AGBL1: variants seen among roughly 807,000 people sequenced by gnomAD.
AGBL1 encodes the protein AGBL carboxypeptidase 1.
In AGBL1, 130 loss-of-function variants were observed where a neutral mutation model predicts 118.9. The observed-to-expected ratio is 1.09, with a 90% CI of 0.95 to 1.26. The LOEUF (loss-of-function observed/expected upper bound fraction) is 1.26, where lower values mean the gene tolerates loss of function less well. AGBL1 is among the 50% of genes most tolerant of loss of function. AGBL1 has a pLI of 0.00. For missense variants in AGBL1, 1,584 were observed against 1,298.1 expected (o/e 1.22, Z -3.38); for synonymous variants, 555 against 478.9 (o/e 1.16, Z -2.08).
At position 86,094,825 on chromosome 15, in the gene AGBL1, G is replaced by A. The variant is rs542902662; in HGVS notation, c.51+14802G>A. ...CAACAACCAACTCTTCAACTTTCTG[G>A]ATGCCACCTGGGTATCCTACCTTTA... On this transcript the variant is annotated intron_variant, in intron 1 of 22. Transcript: ENST00000614907. 4.6e-5 allele frequency among the ~76,000 whole-genome samples: 7 copies of A among 152,082 alleles called. No individual in the cohort carries two copies. In the South Asian group the frequency reaches 1.5e-3, roughly 32 times the overall value.
At chr15:86,231,234 T>C (rs2078450510) in intron 6 of AGBL1, among the ~76,000 whole-genome samples, 1 of 152,220 alleles carries the variant, frequency 6.6e-6, no homozygotes, top group Non-Finnish European at 1.5e-5. Context: ...TACCTCATAC[T>C]GGGCTACACC....
chr15:86,527,613 G>A (rs1039368429), intron 19 of AGBL1, among the ~76,000 whole-genome samples: 1 of 152,120 alleles, frequency 6.6e-6, no homozygotes, highest in Non-Finnish European at 1.5e-5. Context: ...TTTCCACTGC[G>A]ACGAGATTAA....
At chr15:86,469,233 A>G (rs2082446119) in intron 18 of AGBL1, among the ~76,000 whole-genome samples, 1 of 152,136 alleles carries the variant, frequency 6.6e-6, no homozygotes, top group Non-Finnish European at 1.5e-5. Flanking sequence ...CTTTTTGTCC[A>G]TTTCCTTTTC....
chr15:86,819,126 G>T lies in AGBL1; in HGVS notation c.3159-87961G>T, dbSNP rs149998479. Among the ~76,000 whole-genome samples the T allele has an allele frequency of 3.0e-3, 459 of 151,992 alleles. 3 individuals are homozygous for T. The highest frequency in any genetic ancestry group is 6.8e-3 in the Middle Eastern group (2 of 294). ...CCAGCATTTTTGTCCACAGGGAGCA[G>T]AAAAAGAAAGTGATGGGGGCAAAAA... is the stretch of plus-strand genomic sequence containing the variant. On this transcript the variant is annotated intron_variant, in intron 22 of 22. Transcript: ENST00000614907.
intron 21 of AGBL1, among the ~76,000 whole-genome samples, chr15:86,653,842 A>G (rs2085418344): frequency 6.6e-6 from 1 of 152,186 alleles, no homozygotes; most frequent in African/African-American, 2.4e-5. Flanking sequence ...ATACTCCCAG[A>G]GACCAAATAC....
chr15:86,158,193 A>G (rs984221338), intron 4 of AGBL1, among the ~76,000 whole-genome samples: 2 of 152,152 alleles, frequency 1.3e-5, no homozygotes, highest in African/African-American at 4.8e-5. Context: ...GCACTCTGCA[A>G]TAGCAAAGAC....
intron 7 of AGBL1, among the ~76,000 whole-genome samples, chr15:86,254,857 A>G (rs1370967399): frequency 1.3e-5 from 2 of 152,218 alleles, no homozygotes; most frequent in Non-Finnish European, 2.9e-5. Flanking sequence ...TGTCACCTTG[A>G]AACCAATGAT....
chr15:86,104,189 G>C (rs976090853), intron 1 of AGBL1, among the ~76,000 whole-genome samples: 2 of 151,790 alleles, frequency 1.3e-5, no homozygotes, highest in Non-Finnish European at 2.9e-5. Flanking sequence ...GTATTGGGGA[G>C]GATAAAGATG....
At chr15:86,442,943 G>T (rs546884788) in intron 18 of AGBL1, among the ~76,000 whole-genome samples, 3 of 152,224 alleles carry the variant, frequency 2.0e-5, no homozygotes, top group East Asian at 1.9e-4. Flanking sequence ...GCTCCTGCCC[G>T]CAAGGCAAGG....
intron 22 of AGBL1, among the ~76,000 whole-genome samples, chr15:86,743,121 G>T (rs748394436): frequency 6.6e-6 from 1 of 152,036 alleles, no homozygotes; most frequent in African/African-American, 2.4e-5. Flanking sequence ...TGAACATATA[G>T]CTCCTCAAGA....
At chr15:86,874,703 C>G (rs1053156069) in intron 22 of AGBL1, among the ~76,000 whole-genome samples, 1 of 152,214 alleles carries the variant, frequency 6.6e-6, no homozygotes, top group Non-Finnish European at 1.5e-5. Flanking sequence ...CTGGGATTAA[C>G]CTTTAGAACA....
intron 22 of AGBL1, among the ~76,000 whole-genome samples, chr15:86,809,663 T>A (rs1306982726): frequency 6.6e-6 from 1 of 152,192 alleles, no homozygotes; most frequent in Non-Finnish European, 1.5e-5. Flanking sequence ...AAGGGAAGAA[T>A]GTGTCAAGTT....
intron 17 of AGBL1, among the ~76,000 whole-genome samples, chr15:86,350,809 C>T (rs1462370104): frequency 6.6e-6 from 1 of 152,152 alleles, no homozygotes; most frequent in African/African-American, 2.4e-5. Flanking sequence ...TGTTATGCTC[C>T]TGTTAGGAAT....
intron 17 of AGBL1, among the ~76,000 whole-genome samples, chr15:86,376,790 C>T (rs1031782321): frequency 6.6e-6 from 1 of 152,212 alleles, no homozygotes. Context: ...AGCACCCAAA[C>T]AAATATACTC....
intron 22 of AGBL1, among the ~76,000 whole-genome samples, chr15:86,675,748 T>C (rs183355820): frequency 6.6e-6 from 1 of 152,288 alleles, no homozygotes; most frequent in Admixed American, 6.5e-5. Flanking sequence ...ATCTTGGGTG[T>C]AGGCATGCCT....
intron 24 of AGBL1, among the ~76,000 whole-genome samples, chr15:87,024,335 A>C (rs2081702190): frequency 6.6e-6 from 1 of 152,084 alleles, no homozygotes; most frequent in Non-Finnish European, 1.5e-5. Flanking sequence ...AGATCATTTA[A>C]GGCTACTATG....
chr15:86,328,408 A>G (rs2080219231), intron 17 of AGBL1, among the ~76,000 whole-genome samples: 1 of 152,216 alleles, frequency 6.6e-6, no homozygotes, highest in African/African-American at 2.4e-5. Context: ...GCAACTTTTT[A>G]TTTCAAATAA....
At chr15:86,536,040 C>T (rs2083421594) in intron 19 of AGBL1, among the ~76,000 whole-genome samples, 1 of 152,098 alleles carries the variant, frequency 6.6e-6, no homozygotes, top group South Asian at 2.1e-4. Context: ...CCATAAAGGT[C>T]CTGAATTAAA....
chr15:86,466,434 G>C (rs1423133787), intron 18 of AGBL1, among the ~76,000 whole-genome samples: 4 of 151,964 alleles, frequency 2.6e-5, no homozygotes, highest in African/African-American at 9.7e-5. Context: ...CATTGAATTA[G>C]AACATGCTCC....
Sources: allele counts gnomAD v4.1 joint callset (sites outside exome capture counted in the v4.1 genomes callset), GRCh38; gene constraint gnomAD v4.1.1; transcripts MANE v1.5; gene names NCBI Gene and HGNC (gene_info 2026-07-23, HGNC 2026-07-21).